Variants in RCBTB2 observed in about 807,000 individuals in gnomAD.
RCBTB2 encodes RCC1 and BTB domain containing protein 2, also known as RCC1 and BTB domain-containing protein 2.
Under a neutral mutation model 65.4 loss-of-function variants are expected in RCBTB2, and 55 were observed. The observed-to-expected ratio is 0.84, with a 90% confidence interval of 0.68 to 1.05. RCBTB2 has a LOEUF of 1.05. Ranked by LOEUF, RCBTB2 falls within the 50% of genes least tolerant of loss-of-function variation. RCBTB2 has a pLI of 0.00. For synonymous variants in RCBTB2, 220 were observed against 255.2 expected (o/e 0.86, Z 1.31); for missense variants, 599 against 680.1 (o/e 0.88, Z 1.33).
At chr13:48,504,225 C>T (rs1232663689) in intron 10 of RCBTB2, 4 of 985,286 alleles carry the variant, frequency 4.1e-6, no homozygotes, top group Non-Finnish European at 4.8e-6. Flanking sequence ...CCCCAACTCA[C>T]ACAGTGCTGG....
rs774630425 is a variant in RCBTB2, at chr13:48,512,876, C to T, written c.369G>A (p.Trp123Ter). Residue 123 changes from tryptophan to a stop codon, truncating the protein, a stop_gained, in exon 7 of 15, where the codon TGG (tryptophan) becomes TGA (stop). Transcript: ENST00000344532. LOFTEE classifies it high-confidence loss of function. ...CCAGCTGGCTATAAGCATTATGACC[C>T]CAGGTAAAGACTTCTCCTTCTGAAA... The part of the protein sequence containing the change: ...LATTEGEVFT[W>*]GHNAYSQLGN... 1 of 1,610,390 alleles carries T rather than the reference C, an allele frequency of 6.2e-7. No individual in the cohort carries two copies. Among genetic ancestry groups the T allele is most frequent in the East Asian group, 2.2e-5 (1 of 44,840 alleles).
At position 48,505,802 on chromosome 13, in the gene RCBTB2, C is replaced by A. The variant is rs9332031; in HGVS notation, c.927-2888G>T. On this transcript the variant is annotated intron_variant, in intron 10 of 14. Coordinates refer to ENST00000344532, the MANE Select transcript of RCBTB2 (RefSeq NM_001268.4). ...GGGGGAACAGGATACAGGCAGCAATCCTCTCACGGTTTGTGGTTTTGTGTA... is the reference window on the plus strand; with the variant it reads ...GGGGGAACAGGATACAGGCAGCAATACTCTCACGGTTTGTGGTTTTGTGTA... 5.3e-3 allele frequency among the ~76,000 whole-genome samples: 814 copies of A among 152,286 alleles called. 5 individuals carry two copies. The highest frequency in any genetic ancestry group is 8.1e-3 in the Non-Finnish European group (552 of 68,022).
chr13:48,527,361 T>TATATGATATATATATGATATATA, intron 1 of RCBTB2, among the ~76,000 whole-genome samples: 1 of 112,444 alleles, frequency 8.9e-6, no homozygotes, highest in African/African-American at 5.5e-5. Context: ...TGATATATAT[T>TATATGATATATATATGATATATA]TATATATGAT....
intron 14 of RCBTB2, among the ~76,000 whole-genome samples, chr13:48,491,227 G>A (rs1257731781): frequency 6.6e-6 from 1 of 152,128 alleles, no homozygotes; most frequent in East Asian, 1.9e-4. Context: ...TATAGCAAAT[G>A]CTGAAGATGG....
At chr13:48,530,192 G>A (rs1003877391) in intron 1 of RCBTB2, among the ~76,000 whole-genome samples, 43 of 152,196 alleles carry the variant, frequency 2.8e-4, no homozygotes, top group African/African-American at 8.2e-4. Context: ...GAGCCACCGC[G>A]CCCGGCCTGA....
chr13:48,501,686 G>A, intron 12 of RCBTB2, 56 bp downstream of exon 12: 1 of 1,479,278 alleles, frequency 6.8e-7, no homozygotes, highest in Non-Finnish European at 9.4e-7. Context: ...TGGACACTTA[G>A]AATATAATTG....
chr13:48,515,899 CT>C (rs1450135045), intron 4 of RCBTB2, among the ~76,000 whole-genome samples, 158 bp from the exon 5 acceptor site: 3 of 152,238 alleles, frequency 2.0e-5, no homozygotes, highest in Non-Finnish European at 4.4e-5. Context: ...CCTCTGCCAG[CT>C]GCTTTTGGGC....
At chr13:48,492,453 A>G (rs1037159190) in intron 14 of RCBTB2, 4 of 152,188 alleles carry the variant, frequency 2.6e-5, no homozygotes, top group East Asian at 1.9e-4. Context: ...AAATGCCCCA[A>G]AGCTCTTCCT....
chr13:48,495,467 C>T (rs1949928263), intron 14 of RCBTB2, among the ~76,000 whole-genome samples: 1 of 152,116 alleles, frequency 6.6e-6, no homozygotes, highest in Admixed American at 6.5e-5. Context: ...ATTTTATAAA[C>T]AAGCCTCCAC....
intron 14 of RCBTB2, among the ~76,000 whole-genome samples, chr13:48,495,179 G>C (rs1448198063): frequency 6.6e-6 from 1 of 151,926 alleles, no homozygotes; most frequent in African/African-American, 2.4e-5. Flanking sequence ...TAAAGATTTG[G>C]TTCTAAGATT....
In RCBTB2 at chr13:48,501,806, C is replaced by T; in HGVS notation, c.1180G>A (p.Ala394Thr). 1 of 1,613,040 alleles carries T rather than the reference C, an allele frequency of 6.2e-7. No individual in the cohort carries two copies. Among genetic ancestry groups the T allele is most frequent in the Non-Finnish European group, 8.5e-7 (1 of 1,178,968 alleles). The change falls in exon 12 of 15, where the codon GCA becomes ACA. Residue 394 changes from alanine to threonine, a missense_variant. Transcript: ENST00000344532. ...LKREFDNPDT[A>T]DLKFLVDGKY... ...CCATCAACTAGAAACTTCAGGTCTGCAGTGTCCGGGTTGTCAAATTCCCTC... is the reference window on the plus strand; with the variant it reads ...CCATCAACTAGAAACTTCAGGTCTGTAGTGTCCGGGTTGTCAAATTCCCTC...
rs566360360 is a variant in RCBTB2, at chr13:48,501,358, C to T, written c.1244+384G>A. ...CTCTTTCTTAAACCATCTAAAAGTA[C>T]GCCACAAGTGATTATAAGAAGGTGA... is the stretch of plus-strand genomic sequence containing the variant. On this transcript the variant is annotated intron_variant, in intron 12 of 14. Transcript: ENST00000344532. Among the ~76,000 whole-genome samples, 40 of 152,268 alleles carry T rather than the reference C, an allele frequency of 2.6e-4. No homozygotes were observed. In the South Asian group the frequency reaches 3.3e-3, roughly 13 times the overall value.
chr13:48,510,651 G>A lies in RCBTB2; in HGVS notation c.904C>T (p.Pro302Ser), dbSNP rs771090626. 1 of 1,614,182 alleles carries A rather than the reference G, an allele frequency of 6.2e-7. No individual in the cohort carries two copies. Among genetic ancestry groups the A allele is most frequent in the South Asian group, 1.1e-5 (1 of 91,080 alleles). ...TACCTGTCCTTTTCCACAGTGACAG[G>A]AGTAGGATAGGACTGGTTGCTTTTA... ...GNKSNQSYPT[P>S]VTVEKDRIIE... The change falls in exon 10 of 15, where the codon CCT becomes TCT. Residue 302 changes from proline (P) to serine (S), a missense_variant. Physicochemically the swap from Pro to Ser is moderately conservative, Grantham distance 74. Coordinates refer to ENST00000344532, the MANE Select transcript of RCBTB2 (RefSeq NM_001268.4).
upstream of RCBTB2, among the ~76,000 whole-genome samples, chr13:48,534,753 A>C (rs1020446166): frequency 6.6e-6 from 1 of 152,260 alleles, no homozygotes; most frequent in African/African-American, 2.4e-5. Flanking sequence ...TCCATCACAT[A>C]TAAGTTTCCT....
intron 9 of RCBTB2, among the ~76,000 whole-genome samples, 176 bp from the exon 10 acceptor site, chr13:48,510,947 A>C (rs1376184640): frequency 6.6e-6 from 1 of 152,242 alleles, no homozygotes; most frequent in Non-Finnish European, 1.5e-5. Flanking sequence ...AATTGCAGTA[A>C]GATTGCCATG....
intron 1 of RCBTB2, among the ~76,000 whole-genome samples, chr13:48,529,003 A>G (rs1442768931): frequency 6.6e-6 from 1 of 152,206 alleles, no homozygotes; most frequent in Non-Finnish European, 1.5e-5. Context: ...TCCAAATTTC[A>G]ACAAGAGTGA....
upstream of RCBTB2, among the ~76,000 whole-genome samples, chr13:48,533,907 C>G (rs1227836828): frequency 6.6e-6 from 1 of 152,184 alleles, no homozygotes; most frequent in Non-Finnish European, 1.5e-5. Flanking sequence ...CATGAGGACA[C>G]TGGTTCCTCT....
At chr13:48,521,865 A>G (rs1447506804) in intron 4 of RCBTB2, 33 bp downstream of exon 4, 5 of 1,602,458 alleles carry the variant, frequency 3.1e-6, no homozygotes, top group Non-Finnish European at 4.3e-6. Context: ...GCAACAGAAC[A>G]CACATGCTCC....
intron 1 of RCBTB2, among the ~76,000 whole-genome samples, chr13:48,530,390 G>C (rs1349258380): frequency 6.6e-6 from 1 of 152,174 alleles, no homozygotes; most frequent in East Asian, 1.9e-4. Context: ...CAGAGTATTT[G>C]TAATCTATGT....
Sources: gnomAD v4.1 joint callset for allele counts (sites outside exome capture counted in the v4.1 genomes callset) on GRCh38, gnomAD v4.1.1 for gene constraint, MANE v1.5 for transcripts, NCBI Gene and HGNC (gene_info 2026-07-23, HGNC 2026-07-21) for gene names.